The following ETFBKMT variants were observed in gnomAD, a reference collection of about 807,000 sequenced individuals.
ETFBKMT encodes the protein electron transfer flavoprotein subunit beta lysine methyltransferase, also known as electron transfer flavoprotein beta subunit lysine methyltransferase.
In ETFBKMT, 13 loss-of-function variants were observed where a neutral mutation model predicts 18.3. That is an observed-to-expected ratio of 0.71 (90% CI 0.46 to 1.13). The LOEUF is 1.13. ETFBKMT is among the 50% of genes most tolerant of loss of function. The probability of loss-of-function intolerance (pLI) is 0.00; values close to 1 mark genes in which losing one functional copy is unlikely to be tolerated. For synonymous variants in ETFBKMT, 84 were observed against 107.9 expected (o/e 0.78, Z 1.37); for missense variants, 293 against 306.2 (o/e 0.96, Z 0.32).
upstream of ETFBKMT, among the ~76,000 whole-genome samples, chr12:31,655,403 A>G (rs1951053443): frequency 6.6e-6 from 1 of 152,180 alleles, no homozygotes; most frequent in South Asian, 2.1e-4. Flanking sequence ...TTCAAGGTGT[A>G]TAATAAATCC....
Position 31,667,703 on chromosome 12 carries a change from A to G in ETFBKMT, c.502A>G (p.Ile168Val). ...ATTGAACAGACTGAATCCTTTTCCT[A>G]TTTTAATCCAAAACATTTTGAATTT... ...CELNRLNPFP[I>V]LIQNILNLEQ... Residue 168 changes from isoleucine to valine, a missense_variant, in exon 4 of 4, where the codon ATT becomes GTT. Physicochemically the swap from Ile to Val is conservative, Grantham distance 29 (BLOSUM62 3). Transcript: ENST00000357721. 6.2e-7 allele frequency: 1 copy of G among 1,613,246 alleles called. No homozygotes were observed. The highest frequency in any genetic ancestry group is 8.5e-7 in the Non-Finnish European group (1 of 1,179,868).
Position 31,662,034 on chromosome 12 carries a change from CTT to C in ETFBKMT, c.82_83del (p.Leu28ValfsTer18), listed in dbSNP as rs1358536459. On this transcript the variant is annotated frameshift_variant, in exon 2 of 4. Transcript: ENST00000357721. LOFTEE classifies it high-confidence loss of function. ...LQALRSSGLL[L>X]FPCGQCPWRG... ...AGGCTCTGCGAAGCAGTGGTCTTCT[CTT>C]GTTTCCCTGTGGCCAGTGTCCCTGG... is the stretch of plus-strand genomic sequence containing the variant. 6.2e-7 allele frequency: 1 copy of C among 1,614,244 alleles called. No homozygotes were observed. Among genetic ancestry groups the C allele is most frequent in the African/African-American group, 1.3e-5 (1 of 75,064 alleles).
At chr12:31,653,457 A>C (rs1386253876) in intron 1 of ETFBKMT, among the ~76,000 whole-genome samples, 4 of 148,052 alleles carry the variant, frequency 2.7e-5, no homozygotes, top group Non-Finnish European at 6.0e-5. Flanking sequence ...TGACTCAGTG[A>C]CCTATGCTTA....
intron 1 of ETFBKMT, among the ~76,000 whole-genome samples, chr12:31,653,419 C>CCCTTTTGTAGCCAACTGGTCTTA (rs764124877): frequency 6.6e-6 from 1 of 152,136 alleles, no homozygotes; most frequent in Non-Finnish European, 1.5e-5. Context: ...AGTGAGGATT[C>CCCTTTTGTAGCCAACTGGTCTTA]TAGTGTCAGT....
At chr12:31,651,477 G>A (rs1238426240) in intron 1 of ETFBKMT, among the ~76,000 whole-genome samples, 2 of 151,872 alleles carry the variant, frequency 1.3e-5, no homozygotes, top group African/African-American at 4.8e-5. Flanking sequence ...TTACAGGTGC[G>A]TGCCACCACG....
intron 1 of ETFBKMT, among the ~76,000 whole-genome samples, chr12:31,648,768 A>C (rs368086793): frequency 1.9e-4 from 29 of 151,330 alleles, no homozygotes; most frequent in Non-Finnish European, 2.9e-4. Flanking sequence ...TCACCATGTT[A>C]GCCAGGATGG....
chr12:31,650,454 T>A (rs1951006812), intron 1 of ETFBKMT, among the ~76,000 whole-genome samples: 1 of 152,174 alleles, frequency 6.6e-6, no homozygotes, highest in Non-Finnish European at 1.5e-5. Flanking sequence ...CTGCTCTGTC[T>A]TTGGAGTAGC....
In ETFBKMT at chr12:31,663,383, G is replaced by A. The variant is rs539197516; in HGVS notation, c.314+1116G>A. On this transcript the variant is annotated intron_variant, in intron 2 of 3. Coordinates refer to ENST00000357721, the MANE Select transcript of ETFBKMT (RefSeq NM_001135863.2). ...TGGGATTACAGGCGTGAGCCACCGC[G>A]CCTGGCTTAATTTTGTATTTTTAGT... Among the ~76,000 whole-genome samples the A allele has an allele frequency of 7.9e-5, 12 of 152,134 alleles. No individual in the cohort carries two copies. The East Asian group carries it at 1.4e-3, about 17-fold the overall frequency.
chr12:31,655,184 A>G (rs1420670620), upstream of ETFBKMT, among the ~76,000 whole-genome samples: 2 of 152,132 alleles, frequency 1.3e-5, no homozygotes, highest in Non-Finnish European at 2.9e-5. Flanking sequence ...TGATGGTTTC[A>G]TGAGTATATA....
chr12:31,654,210 C>T (rs769814272), upstream of ETFBKMT, among the ~76,000 whole-genome samples: 29 of 152,040 alleles, frequency 1.9e-4, no homozygotes, highest in Non-Finnish European at 3.2e-4. Flanking sequence ...CCACCATGTC[C>T]GACTAATTTT....
chr12:31,652,382 A>C lies in ETFBKMT; in HGVS notation c.-114+5127A>C, dbSNP rs139467282. On this transcript the variant is annotated intron_variant, in intron 1 of 3. Coordinates refer to the ETFBKMT transcript ENST00000412352. ...AGTGGTATGGTCCCTTCATCACCAT[A>C]TATCTCCTAGTGATTCCCCCGCAAT... Among the ~76,000 whole-genome samples the C allele has an allele frequency of 2.6e-5, 4 of 152,134 alleles. No individual in the cohort carries two copies. In the South Asian group the frequency reaches 8.3e-4, roughly 32 times the overall value.
intron 1 of ETFBKMT, 77 bp from the exon 2 acceptor site, chr12:31,661,764 T>A (rs911505561): frequency 9.9e-5 from 60 of 606,512 alleles, no homozygotes; most frequent in African/African-American, 9.8e-4. Context: ...CGGCCAATAT[T>A]TTCTTATTAT....
chr12:31,662,342 C>T, intron 2 of ETFBKMT, 75 bp downstream of exon 2: 1 of 1,417,104 alleles, frequency 7.1e-7, no homozygotes, highest in East Asian at 2.3e-5. Context: ...CTACAAAAAA[C>T]CAGAGCAATG....
chr12:31,650,957 T>C lies in ETFBKMT; in HGVS notation c.-114+3702T>C, dbSNP rs150584809. ...CTAGGGACTTAGAACAGAAGCCATG[T>C]CTGTATCTCAGGAAGCAGTGAGACA... On this transcript the variant is annotated intron_variant, in intron 1 of 3. Transcript: ENST00000412352. Among the ~76,000 whole-genome samples the C allele has an allele frequency of 2.4e-3, 359 of 152,290 alleles. 1 individual carries two copies. The highest frequency in any genetic ancestry group is 8.2e-3 in the African/African-American group (342 of 41,536).
At chr12:31,660,520 T>C (rs1303168243) in intron 1 of ETFBKMT, among the ~76,000 whole-genome samples, 1 of 152,198 alleles carries the variant, frequency 6.6e-6, no homozygotes, top group Non-Finnish European at 1.5e-5. Context: ...CGGGTGTTTT[T>C]CTATATATAT....
chr12:31,655,071 A>G (rs1951049450), upstream of ETFBKMT, among the ~76,000 whole-genome samples: 1 of 35,202 alleles, frequency 2.8e-5, no homozygotes, highest in African/African-American at 5.7e-5. Context: ...ACAAACAAAC[A>G]AACAAAAAAA....
intron 1 of ETFBKMT, among the ~76,000 whole-genome samples, chr12:31,648,619 T>C (rs1281926636): frequency 7.1e-6 from 1 of 141,104 alleles, no homozygotes; most frequent in African/African-American, 2.6e-5. Flanking sequence ...TGGAGTTCAG[T>C]GGCGCAATCT....
intron 1 of ETFBKMT, among the ~76,000 whole-genome samples, chr12:31,650,353 C>A (rs1951005827): frequency 6.6e-6 from 1 of 152,090 alleles, no homozygotes; most frequent in African/African-American, 2.4e-5. Context: ...CCTATATAGT[C>A]TCAAAGGGGA....
At chr12:31,666,598 T>C (rs2139629799) in intron 3 of ETFBKMT, among the ~76,000 whole-genome samples, 1 of 152,322 alleles carries the variant, frequency 6.6e-6, no homozygotes, top group South Asian at 2.1e-4. Context: ...CTGATTTTCT[T>C]CTGGTCTACC....
Sources: gnomAD v4.1 joint callset for allele counts (sites outside exome capture counted in the v4.1 genomes callset) on GRCh38, gnomAD v4.1.1 for gene constraint, MANE v1.5 for transcripts, NCBI Gene and HGNC (gene_info 2026-07-23, HGNC 2026-07-21) for gene names.